MCU: variants seen among roughly 807,000 people sequenced by gnomAD.
The protein encoded by MCU is mitochondrial calcium uniporter.
Under a neutral mutation model 45.2 loss-of-function variants are expected in MCU, and 12 were observed. That is an observed-to-expected ratio of 0.27 (90% CI 0.17 to 0.43). MCU has a LOEUF of 0.43. Among genes scored for constraint, MCU ranks in the 20% least tolerant of loss-of-function variants. The pLI is 1.00. For missense variants in MCU, 324 were observed against 436.7 expected, an observed-to-expected ratio of 0.74 and a Z score of 2.30; for synonymous variants, 160 against 165.1, an observed-to-expected ratio of 0.97 and a Z score of 0.24.
intron 1 of MCU, among the ~76,000 whole-genome samples, chr10:72,705,592 C>T (rs932371313): frequency 4.6e-5 from 7 of 150,788 alleles, no homozygotes; most frequent in African/African-American, 1.2e-4. Flanking sequence ...CTGAGGCGGG[C>T]GGATCACCTA....
chr10:72,882,167 TCTTTA>T (rs1421947618), intron 6 of MCU, among the ~76,000 whole-genome samples: 1 of 152,226 alleles, frequency 6.6e-6, no homozygotes, highest in East Asian at 1.9e-4. Context: ...CCTCTGCCTG[TCTTTA>T]CTTTAATCTC....
chr10:72,728,381 T>C (rs1463148309), intron 1 of MCU, among the ~76,000 whole-genome samples: 1 of 152,194 alleles, frequency 6.6e-6, no homozygotes, highest in Admixed American at 6.5e-5. Context: ...AGTTAACTAG[T>C]TGATTATTAA....
At chr10:72,707,346 G>A (rs531070050) in intron 1 of MCU, among the ~76,000 whole-genome samples, 2 of 150,930 alleles carry the variant, frequency 1.3e-5, no homozygotes, top group East Asian at 3.9e-4. Context: ...TTATAGGTGC[G>A]CATCACCATG....
At chr10:72,870,620 T>A (rs919242799) in intron 5 of MCU, among the ~76,000 whole-genome samples, 2 of 152,176 alleles carry the variant, frequency 1.3e-5, no homozygotes, top group Non-Finnish European at 2.9e-5. Flanking sequence ...GAACAACTCT[T>A]TAATGAAGTT....
Position 72,833,601 on chromosome 10 carries a change from C to T in MCU, c.151-758C>T, listed in dbSNP as rs1356487690. Among the ~76,000 whole-genome samples the T allele has an allele frequency of 3.3e-5, 5 of 152,182 alleles. No homozygotes were observed. The East Asian group carries it at 9.6e-4, about 29-fold the overall frequency. On this transcript the variant is annotated intron_variant, in intron 1 of 7. Coordinates refer to ENST00000373053, the MANE Select transcript of MCU (RefSeq NM_138357.3). ...GGATTTTGTTCAGTTAATGCCTGCCCTTCCTCTTCCTTTGATACTTTTTGG... is the reference window on the plus strand; with the variant it reads ...GGATTTTGTTCAGTTAATGCCTGCCTTTCCTCTTCCTTTGATACTTTTTGG...
In MCU at chr10:72,887,526, G is replaced by C. The variant is rs1288158140; in HGVS notation, c.*1704G>C. 1.3e-5 allele frequency: 2 copies of C among 152,740 alleles called. No homozygotes were observed. The highest frequency in any genetic ancestry group is 4.8e-5 in the African/African-American group (2 of 41,438). 9.5% of individuals were successfully genotyped at this position (152,740 alleles called of 1,614,324 possible). A position where few individuals can be genotyped will look rare whatever the true frequency, so the allele number is the denominator to read the frequency against. On this transcript the variant is annotated 3_prime_UTR_variant, in exon 8 of 8. Coordinates refer to ENST00000373053, the MANE Select transcript of MCU (RefSeq NM_138357.3). The stretch of plus-strand genomic sequence containing the variant: ...TTAAGAAGAAACAGCACAGTGCAAC[G>C]AGCAAATCTTTTTGGGGTGTGTGGG...
intron 2 of MCU, among the ~76,000 whole-genome samples, chr10:72,846,495 T>G (rs1845125482): frequency 6.6e-6 from 1 of 152,200 alleles, no homozygotes; most frequent in African/African-American, 2.4e-5. Context: ...AGTAGCTGTT[T>G]CAGTTACCGG....
intron 1 of MCU, among the ~76,000 whole-genome samples, chr10:72,717,710 T>C (rs1055643641): frequency 2.0e-5 from 3 of 152,194 alleles, no homozygotes; most frequent in African/African-American, 7.2e-5. Flanking sequence ...TTTCCTCATA[T>C]ATCTATGTAT....
At chr10:72,741,014 AAC>A (rs1843320974) in intron 1 of MCU, among the ~76,000 whole-genome samples, 1 of 152,178 alleles carries the variant, frequency 6.6e-6, no homozygotes, top group African/African-American at 2.4e-5. Context: ...TTTAATTGTA[AAC>A]ACAATTAACA....
At chr10:72,817,375 C>G (rs1300027401) in intron 1 of MCU, among the ~76,000 whole-genome samples, 1 of 152,052 alleles carries the variant, frequency 6.6e-6, no homozygotes, top group Non-Finnish European at 1.5e-5. Context: ...TTGACCTTAC[C>G]TCCTTCTTAA....
chr10:72,745,376 A>G (rs1398926347), intron 1 of MCU, among the ~76,000 whole-genome samples: 1 of 152,028 alleles, frequency 6.6e-6, no homozygotes, highest in African/African-American at 2.4e-5. Flanking sequence ...TCACAGGCGC[A>G]CACTACCACA....
intron 1 of MCU, among the ~76,000 whole-genome samples, chr10:72,722,575 A>G: frequency 6.6e-6 from 1 of 151,224 alleles, no homozygotes; most frequent in East Asian, 1.9e-4. Flanking sequence ...TAGTGTAACC[A>G]GAGTTGAAAA....
rs117716120 is a variant in MCU at position 72,804,866 on chromosome 10, G to A, written c.151-29493G>A. 6.6e-4 allele frequency among the ~76,000 whole-genome samples: 100 copies of A among 152,336 alleles called. 2 individuals are homozygous for A. In the East Asian group the frequency reaches 0.017, roughly 26 times the overall value. On this transcript the variant is annotated intron_variant, in intron 1 of 7. Coordinates refer to ENST00000373053, the MANE Select transcript of MCU (RefSeq NM_138357.3). ...AGCTCACTGCAGCCTCAATCTCCCAGGCCCAAGCGATCTTGCCACCTCAGC... is the reference window on the plus strand; with the variant it reads ...AGCTCACTGCAGCCTCAATCTCCCAAGCCCAAGCGATCTTGCCACCTCAGC...
At chr10:72,715,926 A>T (rs747215235) in intron 1 of MCU, 3 of 981,456 alleles carry the variant, frequency 3.1e-6, no homozygotes, top group Non-Finnish European at 3.6e-6. Context: ...ATGATTCATA[A>T]GCATTTTCTC....
At chr10:72,751,309 G>A (rs1417093012) in intron 1 of MCU, among the ~76,000 whole-genome samples, 3 of 123,348 alleles carry the variant, frequency 2.4e-5, no homozygotes, top group African/African-American at 9.2e-5. Context: ...AGCCTCAAAT[G>A]GTTTTTTTTT....
intron 2 of MCU, among the ~76,000 whole-genome samples, chr10:72,849,025 A>C (rs1232260948): frequency 6.6e-6 from 1 of 152,072 alleles, no homozygotes; most frequent in African/African-American, 2.4e-5. Flanking sequence ...TCACACCTGT[A>C]ATCCCAGCAC....
intron 1 of MCU, among the ~76,000 whole-genome samples, chr10:72,704,324 A>G (rs1433615329): frequency 6.6e-6 from 1 of 152,196 alleles, no homozygotes; most frequent in Non-Finnish European, 1.5e-5. Flanking sequence ...ACTTACTACC[A>G]GTAGAAAGGC....
chr10:72,861,787 G>A lies in MCU; in HGVS notation c.496+1260G>A, dbSNP rs116175447. ...GCCGAGATTATAGCCGTGAGTCACC[G>A]CACCCAGCAAGATAAATAGTATTTT... On this transcript the variant is annotated intron_variant, in intron 4 of 7. Transcript: ENST00000373053. 6.2e-3 allele frequency: 1,786 copies of A among 287,432 alleles called. 36 individuals are homozygous for A. Among genetic ancestry groups the A allele is most frequent in the African/African-American group, 0.04 (1,690 of 42,290 alleles). 17.8% of individuals were successfully genotyped at this position (287,432 alleles called of 1,614,324 possible).
intron 1 of MCU, among the ~76,000 whole-genome samples, chr10:72,823,278 T>C (rs1394574108): frequency 6.6e-6 from 1 of 152,172 alleles, no homozygotes; most frequent in Non-Finnish European, 1.5e-5. Flanking sequence ...AGACCACAAA[T>C]TGGGCCCCGT....
Sources: gnomAD v4.1 joint callset for allele counts (sites outside exome capture counted in the v4.1 genomes callset) on GRCh38, gnomAD v4.1.1 for gene constraint, MANE v1.5 for transcripts, NCBI Gene and HGNC (gene_info 2026-07-23, HGNC 2026-07-21) for gene names.